Variants in DGKI observed in about 807,000 individuals in gnomAD.
DGKI encodes the protein DAG kinase iota.
DGKI carries 55 observed loss-of-function variants against 147.5 expected under a neutral mutation model. The observed-to-expected ratio is 0.37, with a 90% CI of 0.30 to 0.47. The LOEUF is 0.47. DGKI is among the 20% of genes least tolerant of loss of function. DGKI has a pLI of 1.00. For missense variants in DGKI, 1,007 were observed against 1,323.8 expected (o/e 0.76, Z 3.71); for synonymous variants, 469 against 477.1 (o/e 0.98, Z 0.22).
chr7:137,620,911 A>C (rs1820725683), intron 7 of DGKI, among the ~76,000 whole-genome samples: 1 of 152,246 alleles, frequency 6.6e-6, no homozygotes, highest in Non-Finnish European at 1.5e-5. Context: ...TTCTTCTTAG[A>C]TTATACTTCA....
chr7:137,481,181 C>T (rs886836948), intron 23 of DGKI, among the ~76,000 whole-genome samples: 1 of 152,232 alleles, frequency 6.6e-6, no homozygotes, highest in Admixed American at 6.5e-5. Flanking sequence ...CAACAGATTT[C>T]AAAGTCTTCA....
Position 137,679,779 on chromosome 7 carries a change from G to A in DGKI, c.511-1127C>T, listed in dbSNP as rs550499262. Among the ~76,000 whole-genome samples, 10 of 152,062 alleles carry A rather than the reference G, an allele frequency of 6.6e-5. No individual in the cohort carries two copies. The South Asian group carries it at 1.5e-3, about 22-fold the overall frequency. ...GAGGTGGGCAGAACACTTGAAGTCA[G>A]GAGTTTGAGACCAGCCTGGCCAACA... On this transcript the variant is annotated intron_variant, in intron 2 of 32. Transcript: ENST00000614521.
At chr7:137,732,935 A>G (rs1794924956) in intron 1 of DGKI, among the ~76,000 whole-genome samples, 1 of 151,740 alleles carries the variant, frequency 6.6e-6, no homozygotes, top group Non-Finnish European at 1.5e-5. Context: ...CTCACTTCTC[A>G]ATCACTCATC....
chr7:137,394,136 G>A (rs959649896), intron 32 of DGKI, among the ~76,000 whole-genome samples: 5 of 152,162 alleles, frequency 3.3e-5, no homozygotes, highest in African/African-American at 9.7e-5. Context: ...TCTACCGAGA[G>A]TGTTCTAAAA....
intron 1 of DGKI, among the ~76,000 whole-genome samples, chr7:137,705,458 A>G (rs1455448578): frequency 2.6e-5 from 4 of 152,156 alleles, no homozygotes; most frequent in Admixed American, 1.3e-4. Flanking sequence ...TCTGAGTGAA[A>G]AAAAATGGGA....
At chr7:137,532,795 T>C (rs188457710) in intron 20 of DGKI, among the ~76,000 whole-genome samples, 3 of 152,302 alleles carry the variant, frequency 2.0e-5, no homozygotes, top group African/African-American at 7.2e-5. Context: ...ATCCAATGAC[T>C]GAGGGATTTT....
At chr7:137,507,135 A>G (rs1699812439) in intron 21 of DGKI, among the ~76,000 whole-genome samples, 1 of 152,228 alleles carries the variant, frequency 6.6e-6, no homozygotes, top group South Asian at 2.1e-4. Flanking sequence ...TGGGCATATT[A>G]GCATTCAAAA....
At chr7:137,817,750 T>C (rs1797781154) in intron 1 of DGKI, among the ~76,000 whole-genome samples, 1 of 152,216 alleles carries the variant, frequency 6.6e-6, no homozygotes, top group Admixed American at 6.5e-5. Flanking sequence ...GTCCTATGAA[T>C]GTAGAGAATG....
intron 20 of DGKI, among the ~76,000 whole-genome samples, chr7:137,549,540 G>T (rs1817976807): frequency 6.6e-6 from 1 of 152,134 alleles, no homozygotes; most frequent in African/African-American, 2.4e-5. Context: ...AGATATTTTC[G>T]ACTAGTTCTC....
intron 21 of DGKI, among the ~76,000 whole-genome samples, chr7:137,494,126 A>T (rs1336075944): frequency 6.6e-6 from 1 of 152,216 alleles, no homozygotes; most frequent in Non-Finnish European, 1.5e-5. Flanking sequence ...GAAGCAAAAA[A>T]AAATGAAGAA....
intron 8 of DGKI, among the ~76,000 whole-genome samples, chr7:137,610,491 T>G (rs977550184): frequency 2.0e-5 from 3 of 152,230 alleles, no homozygotes; most frequent in Non-Finnish European, 2.9e-5. Flanking sequence ...ACCCACTGAT[T>G]GAAGACAAGA....
rs149382898 is a variant in DGKI, at chr7:137,594,834, C to T, written c.1311+3013G>A. Among the ~76,000 whole-genome samples the T allele has an allele frequency of 1.5e-3, 227 of 152,330 alleles. 2 individuals carry two copies. Among genetic ancestry groups the T allele is most frequent in the Admixed American group, 0.011 (172 of 15,310 alleles). ...CATATACCCCATGTTTTTCACAAAA[C>T]ATCTTATCCTAACAAGGTAAATTAA... On this transcript the variant is annotated intron_variant, in intron 12 of 32. Transcript: ENST00000614521.
At chr7:137,686,513 CATA>C (rs1823422935) in intron 2 of DGKI, among the ~76,000 whole-genome samples, 1 of 152,154 alleles carries the variant, frequency 6.6e-6, no homozygotes, top group Non-Finnish European at 1.5e-5. Context: ...TCCTAAAAGT[CATA>C]ATAAGCCATT....
chr7:137,614,364 T>C (rs1820461999), intron 8 of DGKI, among the ~76,000 whole-genome samples: 1 of 152,180 alleles, frequency 6.6e-6, no homozygotes, highest in Non-Finnish European at 1.5e-5. Context: ...CTTCTACAAC[T>C]TGACCCCACA....
chr7:137,668,562 C>T (rs1160362806), intron 3 of DGKI, among the ~76,000 whole-genome samples: 1 of 152,206 alleles, frequency 6.6e-6, no homozygotes, highest in Non-Finnish European at 1.5e-5. Flanking sequence ...GGTAACTATT[C>T]AGTTCAATCA....
At chr7:137,698,413 G>T (rs555294905) in intron 1 of DGKI, among the ~76,000 whole-genome samples, 2 of 152,254 alleles carry the variant, frequency 1.3e-5, no homozygotes, top group South Asian at 2.1e-4. Context: ...TGAGATAGTT[G>T]TAACGGAAGC....
At chr7:137,595,175 A>G (rs933973003) in intron 12 of DGKI, among the ~76,000 whole-genome samples, 16 of 152,264 alleles carry the variant, frequency 1.1e-4, no homozygotes, top group Admixed American at 6.5e-4. Flanking sequence ...TTATGCTATC[A>G]TTAATGAAGA....
chr7:137,406,818 A>G (rs921551767), intron 30 of DGKI, among the ~76,000 whole-genome samples: 3 of 151,226 alleles, frequency 2.0e-5, no homozygotes, highest in Non-Finnish European at 4.4e-5. Context: ...CAGTGACTGT[A>G]TTTTATTTTT....
intron 30 of DGKI, among the ~76,000 whole-genome samples, chr7:137,406,469 G>A (rs550002574): frequency 5.3e-5 from 8 of 152,210 alleles, no homozygotes; most frequent in East Asian, 3.9e-4. Context: ...TGCTGTCATC[G>A]CAGCCCTCCT....
Sources: gnomAD v4.1 joint callset for allele counts (sites outside exome capture counted in the v4.1 genomes callset) on GRCh38, gnomAD v4.1.1 for gene constraint, MANE v1.5 for transcripts, NCBI Gene and HGNC (gene_info 2026-07-23, HGNC 2026-07-21) for gene names.